YARS1: variants seen among roughly 807,000 people sequenced by gnomAD.
YARS1 encodes tyrosyl-tRNA synthetase 1, also known as tyrosine--tRNA ligase, cytoplasmic.
In YARS1, 36 loss-of-function variants were observed where a neutral mutation model predicts 62.2. The observed-to-expected ratio is 0.58, with a 90% CI of 0.44 to 0.76. The LOEUF (loss-of-function observed/expected upper bound fraction) is 0.76. Among genes scored for constraint, YARS1 ranks in the 30% least tolerant of loss-of-function variants. The pLI, the probability that YARS1 is intolerant of heterozygous loss-of-function variation, is 0.00. For missense variants in YARS1, 524 were observed against 639.8 expected, an observed-to-expected ratio of 0.82 and a Z score of 1.95; for synonymous variants, 234 against 244.9, an observed-to-expected ratio of 0.96 and a Z score of 0.42.
rs1450675996 is a variant in YARS1, at chr1:32,782,218, TC to T, written c.1042+185del. ...GCCGGTACAAAAGGATGTGATCACT[TC>T]CTGATGTTAACCAAACCCAAATCAA... On this transcript the variant is annotated intron_variant, in intron 9 of 12. Transcript: ENST00000373477. The T allele has an allele frequency of 6.8e-6, 6 of 883,952 alleles. No homozygotes were observed. In the East Asian group the frequency reaches 1.5e-4, roughly 23 times the overall value. The allele number at this position is 883,952 out of a possible 1,614,324, so 54.8% of individuals were successfully genotyped here. A position where few individuals can be genotyped will look rare whatever the true frequency, so the allele number is the denominator to read the frequency against.
At chr1:32,781,289 A>G (rs1557446523) in intron 9 of YARS1, 144 bp from the exon 10 acceptor site, 1 of 730,066 alleles carries the variant, frequency 1.4e-6, no homozygotes, top group East Asian at 2.7e-5. Flanking sequence ...CTTCTTTAAT[A>G]CTGGGTTGGC....
At chr1:32,785,916 C>G (rs1200377353) in intron 8 of YARS1, among the ~76,000 whole-genome samples, 1 of 148,080 alleles carries the variant, frequency 6.8e-6, no homozygotes, top group Non-Finnish European at 1.5e-5. Flanking sequence ...TTTAGTATCT[C>G]ATGTAATTTA....
At chr1:32,801,546 T>C (rs1474019327) in intron 4 of YARS1, among the ~76,000 whole-genome samples, 3 of 152,154 alleles carry the variant, frequency 2.0e-5, no homozygotes, top group Non-Finnish European at 4.4e-5. Flanking sequence ...AGGGTGGTGG[T>C]TGCTGAAGGC....
intron 10 of YARS1, chr1:32,780,533 A>C: frequency 1.8e-6 from 1 of 541,874 alleles, no homozygotes; most frequent in South Asian, 2.0e-5. Context: ...AGGATCTCTA[A>C]GCCATCTGAT....
rs1178099974 is a variant in YARS1 at position 32,781,159 on chromosome 1, G to A, written c.1043-14C>T. ...TGGCCATTGGCTCTGGGAATGAGAA[G>A]AACCCCATGAGGTAGAATTCTTCCC... On this transcript the variant is annotated splice_polypyrimidine_tract_variant and intron_variant, in intron 9 of 12. Coordinates refer to ENST00000373477, the MANE Select transcript of YARS1 (RefSeq NM_003680.4). 8.1e-6 allele frequency: 13 copies of A among 1,607,834 alleles called. No homozygotes were observed. The highest frequency in any genetic ancestry group is 9.4e-6 in the Non-Finnish European group (11 of 1,174,540).
At chr1:32,811,373 T>C (rs1638581757) in intron 1 of YARS1, 1 of 407,800 alleles carries the variant, frequency 2.5e-6, no homozygotes, top group African/African-American at 2.1e-5. Flanking sequence ...AGAACGCAAA[T>C]AACTGATAAG....
chr1:32,797,443 C>T (rs780508950), intron 5 of YARS1: 1 of 415,864 alleles, frequency 2.4e-6, no homozygotes, highest in Non-Finnish European at 4.4e-6. Context: ...GACAGTAGTT[C>T]CAACTGGTAA....
At chr1:32,790,786 C>G (rs1653390190) in intron 6 of YARS1, 2 of 248,224 alleles carry the variant, frequency 8.1e-6, no homozygotes, top group South Asian at 9.4e-5. Context: ...TCAAGAGGGA[C>G]TCTTAAATAT....
chr1:32,779,380 A>G lies in YARS1; in HGVS notation c.1476+2T>C, dbSNP rs1553122620. Reference sequence around the variant, plus strand: ...AGAAAGGGAACAATTACAGCTTTTTACCTGCAACTTCTCGAAGACTTTCTT... The same window carrying G: ...AGAAAGGGAACAATTACAGCTTTTTGCCTGCAACTTCTCGAAGACTTTCTT... On this transcript the variant is annotated splice_donor_variant, in intron 12 of 12. Coordinates refer to ENST00000373477, the MANE Select transcript of YARS1 (RefSeq NM_003680.4). LOFTEE classifies it high-confidence loss of function. 3.7e-6 allele frequency: 6 copies of G among 1,614,222 alleles called. No individual in the cohort carries two copies. Among genetic ancestry groups the G allele is most frequent in the Non-Finnish European group, 5.1e-6 (6 of 1,180,032 alleles).
At chr1:32,803,588 T>C (rs996378581) in intron 4 of YARS1, among the ~76,000 whole-genome samples, 29 of 152,182 alleles carry the variant, frequency 1.9e-4, no homozygotes, top group African/African-American at 6.3e-4. Flanking sequence ...GCTACGAAAG[T>C]CCGAGATGGC....
intron 12 of YARS1, among the ~76,000 whole-genome samples, chr1:32,778,994 C>T (rs897092500): frequency 2.6e-5 from 4 of 152,092 alleles, no homozygotes; most frequent in Non-Finnish European, 5.9e-5. Flanking sequence ...CCTGCCTCGG[C>T]CTCCCAAAGT....
chr1:32,804,600 G>A (rs1273533813), intron 4 of YARS1, among the ~76,000 whole-genome samples: 2 of 151,592 alleles, frequency 1.3e-5, no homozygotes, highest in Non-Finnish European at 1.5e-5. Flanking sequence ...AGACCGGGTC[G>A]CGGCCGGACA....
intron 6 of YARS1, among the ~76,000 whole-genome samples, chr1:32,788,367 C>T (rs918330530): frequency 6.6e-6 from 1 of 152,282 alleles, no homozygotes; most frequent in East Asian, 1.9e-4. Context: ...CTTCTGACCT[C>T]AGCCTCAAGA....
Position 32,806,519 on chromosome 1 carries a change from TG to T in YARS1, c.472del (p.His158ThrfsTer4). 6.2e-7 allele frequency: 1 copy of T among 1,614,048 alleles called. No individual in the cohort carries two copies. Among genetic ancestry groups the T allele is most frequent in the Non-Finnish European group, 8.5e-7 (1 of 1,180,024 alleles). On this transcript the variant is annotated frameshift_variant, in exon 4 of 13. Transcript: ENST00000373477. LOFTEE classifies it high-confidence loss of function. ...GTATAAGAGGCCACTCAGCAAAGGG[TG>T]CTCCACCTGCTTTACCACCTCAGCT... ...AGAEVVKQVE[H>X]PLLSGLLYPG...
At chr1:32,811,098 C>A in intron 1 of YARS1, 41 bp from the exon 2 acceptor site, 1 of 1,612,980 alleles carries the variant, frequency 6.2e-7, no homozygotes, top group Non-Finnish European at 8.5e-7. Context: ...GTCAGTGCCT[C>A]ACCTTGCTCA....
In YARS1 at chr1:32,817,195, T is replaced by A; in HGVS notation, c.50A>T (p.Asn17Ile). ...PEEKLHLITR[N>I]LQEVLGEEKL... The stretch of plus-strand genomic sequence containing the variant: ...CCAACCCCCAGGCCTGACCTGCAGG[T>A]TCCGGGTGATAAGGTGCAGTTTCTC... Residue 17 changes from asparagine to isoleucine, a missense_variant, in exon 1 of 13, where the codon AAC (asparagine) becomes ATC (isoleucine). Transcript: ENST00000373477. 3.1e-6 allele frequency: 5 copies of A among 1,614,184 alleles called. No individual in the cohort carries two copies. The highest frequency in any genetic ancestry group is 4.2e-6 in the Non-Finnish European group (5 of 1,180,016).
chr1:32,791,335 G>A, intron 5 of YARS1, 81 bp from the exon 6 acceptor site: 1 of 1,070,342 alleles, frequency 9.3e-7, no homozygotes, highest in Non-Finnish European at 1.5e-6. Flanking sequence ...GACTTGGCCA[G>A]CAACTGAGTA....
chr1:32,782,663 G>T, intron 8 of YARS1, 124 bp from the exon 9 acceptor site: 1 of 1,343,000 alleles, frequency 7.4e-7, no homozygotes, highest in Non-Finnish European at 1.0e-6. Flanking sequence ...TGATAATCTT[G>T]TGAGGCAGGT....
intron 4 of YARS1, among the ~76,000 whole-genome samples, chr1:32,804,550 A>T (rs1416706566): frequency 1.3e-5 from 2 of 151,328 alleles, no homozygotes; most frequent in Non-Finnish European, 2.9e-5. Flanking sequence ...CTCACCTCCC[A>T]GACGGGGTGG....
Sources: allele counts gnomAD v4.1 joint callset (sites outside exome capture counted in the v4.1 genomes callset), GRCh38; gene constraint gnomAD v4.1.1; transcripts MANE v1.5; gene names NCBI Gene and HGNC (gene_info 2026-07-23, HGNC 2026-07-21).